The following RBM46 variants were observed in gnomAD, a reference collection of about 807,000 sequenced individuals.
RBM46 encodes probable RNA-binding protein 46.
A neutral mutation model predicts 43.3 loss-of-function variants in RBM46; 12 were observed. The observed-to-expected ratio is 0.28, with a 90% CI of 0.18 to 0.45. RBM46 has a LOEUF of 0.45. RBM46 is among the 20% of genes least tolerant of loss of function. The pLI, the probability that RBM46 is intolerant of heterozygous loss-of-function variation, is 1.00. For synonymous variants in RBM46, 205 were observed against 207.6 expected (o/e 0.99, Z 0.11); for missense variants, 412 against 639.1 (o/e 0.64, Z 3.83).
At chr4:154,803,475 C>G (rs982300063) in intron 4 of RBM46, among the ~76,000 whole-genome samples, 7 of 151,734 alleles carry the variant, frequency 4.6e-5, no homozygotes, top group African/African-American at 9.7e-5. Flanking sequence ...CTAAGGCGGG[C>G]GGATCACTTG....
In RBM46 at chr4:154,799,141, T is replaced by A; in HGVS notation, c.979T>A (p.Ser327Thr). 3 of 1,613,988 alleles carry A rather than the reference T, an allele frequency of 1.9e-6. No individual in the cohort carries two copies. The highest frequency in any genetic ancestry group is 2.5e-6 in the Non-Finnish European group (3 of 1,179,998). The change falls in exon 4 of 5, where the codon TCT becomes ACT. Residue 327 changes from serine to threonine, a missense_variant. Physicochemically the swap from Ser to Thr is moderately conservative, Grantham distance 58. Transcript: ENST00000281722. ...TCTTAATGGTCAGATTAGTCCAAATTCTGAAAATCTGATTGTGTTTGCTAA... is the reference window on the plus strand; with the variant it reads ...TCTTAATGGTCAGATTAGTCCAAATACTGAAAATCTGATTGTGTTTGCTAA... ...QHLNGQISPN[S>T]ENLIVFANKE...
In RBM46 at chr4:154,798,951, A is replaced by G; in HGVS notation, c.789A>G (p.Ala263=). 6.2e-7 allele frequency: 1 copy of G among 1,613,820 alleles called. No homozygotes were observed. The highest frequency in any genetic ancestry group is 8.5e-7 in the Non-Finnish European group (1 of 1,179,902). Residue 263 remains alanine, a synonymous_variant, in exon 4 of 5, where the codon GCA becomes GCG. Coordinates refer to ENST00000281722, the MANE Select transcript of RBM46 (RefSeq NM_144979.5). ...AATTCAATAAATTTAAGCCTGGTGC[A>G]GTTGAACGGGTAAAGAAACTTAGAG... ...KAEFNKFKPG[A]VERVKKLRDY...
At chr4:154,806,200 C>T (rs566894237) in intron 4 of RBM46, among the ~76,000 whole-genome samples, 2 of 151,700 alleles carry the variant, frequency 1.3e-5, no homozygotes, top group South Asian at 4.2e-4. Context: ...TTATAATTCT[C>T]ATCTTACAAA....
intron 1 of RBM46, among the ~76,000 whole-genome samples, chr4:154,789,905 G>C (rs1733989958): frequency 6.6e-6 from 1 of 152,156 alleles, no homozygotes; most frequent in African/African-American, 2.4e-5. Context: ...AGTCTTGGGA[G>C]GGTGTATGTG....
intron 4 of RBM46, among the ~76,000 whole-genome samples, chr4:154,821,275 A>G (rs566331969): frequency 5.3e-5 from 8 of 151,980 alleles, no homozygotes; most frequent in Admixed American, 5.2e-4. Flanking sequence ...ACAACTTTTT[A>G]TAGTTCAAAA....
At chr4:154,821,625 T>G (rs1735726987) in intron 4 of RBM46, among the ~76,000 whole-genome samples, 1 of 151,856 alleles carries the variant, frequency 6.6e-6, no homozygotes, top group Non-Finnish European at 1.5e-5. Context: ...CAAATAAGTA[T>G]CTGTTTTTTT....
In RBM46 at chr4:154,781,343, C is replaced by G. The variant is rs1455690066; in HGVS notation, c.-105C>G. 4 of 152,396 alleles carry G rather than the reference C, an allele frequency of 2.6e-5. No homozygotes were observed. Among genetic ancestry groups the G allele is most frequent in the South Asian group, 2.1e-4 (1 of 4,838 alleles). The allele number at this position is 152,396 out of a possible 1,614,324, so 9.4% of individuals were successfully genotyped here. On this transcript the variant is annotated 5_prime_UTR_variant, in exon 1 of 5. Transcript: ENST00000281722. The stretch of plus-strand genomic sequence containing the variant: ...GCTACCCTCCCCCTGCGACGACCCC[C>G]CCTCGCTCTGACCGACTGGTCCCCT...
intron 1 of RBM46, among the ~76,000 whole-genome samples, chr4:154,789,513 G>A (rs893039273): frequency 6.6e-6 from 1 of 152,102 alleles, no homozygotes; most frequent in Non-Finnish European, 1.5e-5. Flanking sequence ...CTTGCATCCT[G>A]GGGATGAAGC....
chr4:154,792,306 T>C lies in RBM46; in HGVS notation c.-11-4436T>C, dbSNP rs548465906. 2.6e-5 allele frequency among the ~76,000 whole-genome samples: 4 copies of C among 152,344 alleles called. No homozygotes were observed. In the East Asian group the frequency reaches 7.7e-4, roughly 29 times the overall value. ...GCGTGTCATTATATGTGGTATTTAA[T>C]ATGCTAAATCATTAAATGTAGAAGT... On this transcript the variant is annotated intron_variant, in intron 1 of 4. Transcript: ENST00000281722.
At position 154,788,757 on chromosome 4, in the gene RBM46, G is replaced by C. The variant is rs574307357; in HGVS notation, c.-12+7321G>C. On this transcript the variant is annotated intron_variant, in intron 1 of 4. Coordinates refer to ENST00000281722, the MANE Select transcript of RBM46 (RefSeq NM_144979.5). Reference sequence around the variant, plus strand: ...TAGCTTGATGGGGATGGCATTGAATGTCTAAATTACCTTTGGCAGTATGGT... The same window carrying C: ...TAGCTTGATGGGGATGGCATTGAATCTCTAAATTACCTTTGGCAGTATGGT... Among the ~76,000 whole-genome samples, 4 of 152,236 alleles carry C rather than the reference G, an allele frequency of 2.6e-5. No homozygotes were observed. The South Asian group carries it at 8.3e-4, about 32-fold the overall frequency.
chr4:154,785,739 T>C lies in RBM46; in HGVS notation c.-12+4303T>C, dbSNP rs987185362. Reference sequence around the variant, plus strand: ...GTGGGATGTCGAGGCCATTGAAGACTCTCTGGACTAAATTATTGAAGAGAG... The same window carrying C: ...GTGGGATGTCGAGGCCATTGAAGACCCTCTGGACTAAATTATTGAAGAGAG... On this transcript the variant is annotated intron_variant, in intron 1 of 4. Coordinates refer to ENST00000281722, the MANE Select transcript of RBM46 (RefSeq NM_144979.5). Among the ~76,000 whole-genome samples, 8 of 146,426 alleles carry C rather than the reference T, an allele frequency of 5.5e-5. 1 individual carries two copies. Among genetic ancestry groups the C allele is most frequent in the Middle Eastern group, 3.2e-3 (1 of 316 alleles).
intron 4 of RBM46, among the ~76,000 whole-genome samples, chr4:154,805,254 A>G (rs1004340434): frequency 2.0e-5 from 3 of 152,244 alleles, no homozygotes; most frequent in Admixed American, 1.3e-4. Flanking sequence ...TCTTAGTGCA[A>G]CTATGTTGGA....
chr4:154,782,014 T>C (rs1733505900), intron 1 of RBM46: 1 of 152,356 alleles, frequency 6.6e-6, no homozygotes. Flanking sequence ...CGTGGAGTTC[T>C]AGCCGGGACT....
At chr4:154,785,482 C>G (rs72959251) in intron 1 of RBM46, among the ~76,000 whole-genome samples, 4,848 of 151,486 alleles carry the variant, frequency 0.032, 160 homozygotes, top group East Asian at 0.18. Context: ...TTTATTATTT[C>G]TATAACCAGT....
intron 4 of RBM46, among the ~76,000 whole-genome samples, chr4:154,817,843 A>T: frequency 6.7e-6 from 1 of 149,662 alleles, no homozygotes; most frequent in African/African-American, 2.5e-5. Flanking sequence ...CCTTTTTTTT[A>T]TACAGTGTTT....
intron 4 of RBM46, chr4:154,827,437 T>C: frequency 1.0e-6 from 1 of 995,992 alleles, no homozygotes; most frequent in African/African-American, 1.7e-5. Flanking sequence ...TGAATGTTTC[T>C]GCTGGTTTGA....
At position 154,828,361 on chromosome 4, in the gene RBM46, G is replaced by T; in HGVS notation, c.*294G>T. 8 of 242,392 alleles carry T rather than the reference G, an allele frequency of 3.3e-5. No homozygotes were observed. Among genetic ancestry groups the T allele is most frequent in the Non-Finnish European group, 3.7e-5 (5 of 136,162 alleles). The allele number at this position is 242,392 out of a possible 1,614,324, so 15.0% of individuals were successfully genotyped here. On this transcript the variant is annotated 3_prime_UTR_variant, in exon 5 of 5. Transcript: ENST00000281722. ...CTTTCTGAGTGGGCAATAGAACCTA[G>T]TCATTTATGTTTTTTTTTTTTTTTG...
intron 4 of RBM46, among the ~76,000 whole-genome samples, chr4:154,824,374 CAT>C (rs1466557172): frequency 2.0e-5 from 3 of 152,014 alleles, no homozygotes. Context: ...GAAATGAAAA[CAT>C]ATATCCACCA....
chr4:154,786,429 A>G (rs777284798), intron 1 of RBM46, among the ~76,000 whole-genome samples: 1 of 152,178 alleles, frequency 6.6e-6, no homozygotes, highest in Non-Finnish European at 1.5e-5. Context: ...AAAAAATAAC[A>G]TTTCTTTTAT....
Sources: allele counts gnomAD v4.1 joint callset (sites outside exome capture counted in the v4.1 genomes callset), GRCh38; gene constraint gnomAD v4.1.1; transcripts MANE v1.5; gene names NCBI Gene and HGNC (gene_info 2026-07-23, HGNC 2026-07-21).